Variants in GLIS1 observed in about 807,000 individuals in gnomAD.
GLIS1 encodes the protein GLIS family zinc finger 1.
In GLIS1, 24 loss-of-function variants were observed where a neutral mutation model predicts 63.8. The ratio of observed to expected loss-of-function variants is 0.38; its 90% CI spans 0.27 to 0.53. The LOEUF is 0.53. Among genes scored for constraint, GLIS1 ranks in the 20% least tolerant of loss-of-function variants. The pLI, the probability that GLIS1 is intolerant of heterozygous loss-of-function variation, is 0.85. For missense variants in GLIS1, 1,036 were observed against 1,074.1 expected (o/e 0.96, Z 0.50); for synonymous variants, 450 against 482.5 (o/e 0.93, Z 0.88).
chr1:53,522,175 AGAG>A (rs1644417051), intron 6 of GLIS1, among the ~76,000 whole-genome samples: 1 of 152,272 alleles, frequency 6.6e-6, no homozygotes, highest in African/African-American at 2.4e-5. Flanking sequence ...GAGCAGCAGG[AGAG>A]GAGAATTAAG....
At chr1:53,716,438 C>A (rs1557538395) in intron 2 of GLIS1, among the ~76,000 whole-genome samples, 1 of 152,080 alleles carries the variant, frequency 6.6e-6, no homozygotes, top group Non-Finnish European at 1.5e-5. Context: ...AGAGAGTCAT[C>A]ATCGGCATGT....
intron 7 of GLIS1, among the ~76,000 whole-genome samples, chr1:53,517,221 C>A (rs186758645): frequency 6.6e-6 from 1 of 151,984 alleles, no homozygotes; most frequent in East Asian, 1.9e-4. Flanking sequence ...GTCTGGATAC[C>A]CAGCTGAGGC....
rs187655010 is a variant in GLIS1 at position 53,601,939 on chromosome 1, C to T, written c.260-1661G>A. 7.9e-5 allele frequency among the ~76,000 whole-genome samples: 12 copies of T among 152,334 alleles called. No individual in the cohort carries two copies. The East Asian group carries it at 2.1e-3, about 27-fold the overall frequency. ...GCACCAGGCATTTGCTTGCCGAGCA[C>T]GTTCCAGTCTGTGGATGAGCATGCA... On this transcript the variant is annotated intron_variant, in intron 2 of 10. Transcript: ENST00000628545.
At chr1:53,684,734 T>C (rs1015768873) in intron 2 of GLIS1, among the ~76,000 whole-genome samples, 3 of 152,200 alleles carry the variant, frequency 2.0e-5, no homozygotes, top group Non-Finnish European at 2.9e-5. Flanking sequence ...ACCAGCCTGG[T>C]GGGCCACCTG....
intron 2 of GLIS1, among the ~76,000 whole-genome samples, chr1:53,608,512 G>A (rs56011025): frequency 0.035 from 5,373 of 152,288 alleles, 238 homozygotes; most frequent in African/African-American, 0.1. Context: ...TTGAGAGAGA[G>A]TATAGCATCA....
intron 2 of GLIS1, among the ~76,000 whole-genome samples, chr1:53,685,209 C>G (rs189295503): frequency 6.6e-6 from 1 of 152,312 alleles, no homozygotes; most frequent in Non-Finnish European, 1.5e-5. Context: ...GGAGCACTCC[C>G]CATCCAGAGG....
In GLIS1 at chr1:53,506,766, G is replaced by T. The variant is rs1466074523; in HGVS notation, c.2241C>A (p.Ala747=). The change falls in exon 11 of 11, where the codon GCC becomes GCA. Residue 747 remains alanine (A), a synonymous_variant. Coordinates refer to ENST00000628545, the MANE Select transcript of GLIS1 (RefSeq NM_001367484.1). The part of the protein sequence containing the change: ...STPLPATGYE[A]LAEASCPTAL... Reference sequence around the variant, plus strand: ...CTGTGGGGCATGAGGCCTCAGCCAGGGCCTCATAGCCTGTGAGTGGTTGGG... The same window carrying T: ...CTGTGGGGCATGAGGCCTCAGCCAGTGCCTCATAGCCTGTGAGTGGTTGGG... 2 of 1,610,422 alleles carry T rather than the reference G, an allele frequency of 1.2e-6. No homozygotes were observed. Among genetic ancestry groups the T allele is most frequent in the Non-Finnish European group, 1.7e-6 (2 of 1,179,850 alleles).
intron 2 of GLIS1, 88 bp from the exon 3 acceptor site, chr1:53,600,366 A>T (rs1645304326): frequency 1.3e-6 from 1 of 747,862 alleles, no homozygotes; most frequent in Non-Finnish European, 1.8e-6. Context: ...CCTGGGGTAC[A>T]GCAAGGGACA....
chr1:53,665,597 T>TATGATC (rs1181028608), intron 2 of GLIS1, among the ~76,000 whole-genome samples: 1 of 152,088 alleles, frequency 6.6e-6, no homozygotes, highest in Non-Finnish European at 1.5e-5. Flanking sequence ...TGCAGTGAGC[T>TATGATC]ATGATCATGC....
chr1:53,623,647 A>T (rs917105209), intron 2 of GLIS1, among the ~76,000 whole-genome samples: 8 of 152,236 alleles, frequency 5.3e-5, no homozygotes, highest in Non-Finnish European at 1.0e-4. Context: ...GGAATCTCTA[A>T]AAACAAAAGA....
intron 4 of GLIS1, among the ~76,000 whole-genome samples, chr1:53,538,596 G>A (rs1332045480): frequency 6.6e-6 from 1 of 152,146 alleles, no homozygotes; most frequent in African/African-American, 2.4e-5. Flanking sequence ...TCTGCTCACT[G>A]GGCCTTCATA....
chr1:53,515,079 ATGTGTGTGTGTGTGTGTGTGTGTG>A (rs5774151), intron 7 of GLIS1, among the ~76,000 whole-genome samples: 6 of 142,098 alleles, frequency 4.2e-5, no homozygotes, highest in African/African-American at 1.6e-4. Flanking sequence ...GTGTGTGTAT[ATGTGTGTGTGTGTGTGTGTGTGTG>A]TGTGTGTGTG....
intron 2 of GLIS1, among the ~76,000 whole-genome samples, chr1:53,677,437 C>A (rs1328557042): frequency 6.6e-6 from 1 of 152,200 alleles, no homozygotes; most frequent in African/African-American, 2.4e-5. Context: ...AGAAACACCC[C>A]GCAAATGACA....
chr1:53,512,287 CT>C (rs1399520944), intron 8 of GLIS1, among the ~76,000 whole-genome samples: 1 of 152,180 alleles, frequency 6.6e-6, no homozygotes, highest in East Asian at 1.9e-4. Flanking sequence ...AATATTTTTG[CT>C]TCAACTGGAA....
At chr1:53,719,387 C>T (rs960725338) in intron 2 of GLIS1, among the ~76,000 whole-genome samples, 1 of 152,228 alleles carries the variant, frequency 6.6e-6, no homozygotes, top group African/African-American at 2.4e-5. Context: ...AGCTTCTCAA[C>T]AATTCTCTCT....
chr1:53,542,613 G>A (rs1644654973), intron 4 of GLIS1, among the ~76,000 whole-genome samples: 1 of 152,226 alleles, frequency 6.6e-6, no homozygotes, highest in African/African-American at 2.4e-5. Flanking sequence ...AAAGCTTCCT[G>A]TACTTCCACC....
intron 2 of GLIS1, among the ~76,000 whole-genome samples, chr1:53,657,789 A>G (rs1645982921): frequency 6.6e-6 from 1 of 152,176 alleles, no homozygotes; most frequent in Non-Finnish European, 1.5e-5. Flanking sequence ...CCTGACAGCA[A>G]ATTCCTGACT....
At chr1:53,619,762 A>G (rs534173055) in intron 2 of GLIS1, among the ~76,000 whole-genome samples, 45 of 152,256 alleles carry the variant, frequency 3.0e-4, no homozygotes, top group Admixed American at 5.2e-4. Flanking sequence ...AGCATCCCTC[A>G]GCCATTCCAC....
chr1:53,576,714 A>G (rs941127), intron 4 of GLIS1, among the ~76,000 whole-genome samples: 7,801 of 152,166 alleles, frequency 0.051, 582 homozygotes, highest in East Asian at 0.39. Context: ...GCACACACAT[A>G]TGCACACATA....
Sources: allele counts gnomAD v4.1 joint callset (sites outside exome capture counted in the v4.1 genomes callset), GRCh38; gene constraint gnomAD v4.1.1; transcripts MANE v1.5; gene names NCBI Gene and HGNC (gene_info 2026-07-23, HGNC 2026-07-21).